Variants in UBA6 observed in about 807,000 individuals in gnomAD.
UBA6 encodes the protein ubiquitin like modifier activating enzyme 6.
UBA6 carries 87 observed loss-of-function variants against 148.3 expected under a neutral mutation model. The ratio of observed to expected loss-of-function variants is 0.59; its 90% CI spans 0.49 to 0.70. The LOEUF (loss-of-function observed/expected upper bound fraction) is 0.70. Ranked by LOEUF, UBA6 falls within the 30% of genes least tolerant of loss-of-function variation. UBA6 has a pLI of 0.00. For synonymous variants in UBA6, 376 were observed against 401.0 expected (o/e 0.94, Z 0.75); for missense variants, 1,186 against 1,241.2 (o/e 0.96, Z 0.67).
chr4:67,621,978 A>G (rs1728762522), intron 32 of UBA6, among the ~76,000 whole-genome samples: 1 of 152,168 alleles, frequency 6.6e-6, no homozygotes. Flanking sequence ...AGGAAGTGCA[A>G]AGACCAGGGG....
chr4:67,684,103 C>G (rs544026086), intron 2 of UBA6, among the ~76,000 whole-genome samples: 1 of 152,212 alleles, frequency 6.6e-6, no homozygotes, highest in East Asian at 1.9e-4. Context: ...ACCCCCTGCC[C>G]CCAGCCCAAA....
At chr4:67,642,230 T>G (rs1243345019) in intron 17 of UBA6, among the ~76,000 whole-genome samples, 1 of 152,118 alleles carries the variant, frequency 6.6e-6, no homozygotes, top group Non-Finnish European at 1.5e-5. Flanking sequence ...TGATTCCTAC[T>G]GCCCCCAACT....
intron 13 of UBA6, among the ~76,000 whole-genome samples, chr4:67,653,781 A>C (rs777657012): frequency 3.7e-4 from 57 of 152,332 alleles, no homozygotes; most frequent in Admixed American, 1.4e-3. Context: ...GGAAGCTAAA[A>C]ACCTTGAAAA....
chr4:67,633,520 CAT>C, intron 22 of UBA6, 47 bp from the exon 23 acceptor site: 1 of 1,514,904 alleles, frequency 6.6e-7, no homozygotes, highest in Non-Finnish European at 8.8e-7. Context: ...CAATTACAAA[CAT>C]ATACACATCC....
intron 10 of UBA6, among the ~76,000 whole-genome samples, chr4:67,664,404 C>CAGG (rs1168686435): frequency 6.6e-6 from 1 of 151,752 alleles, no homozygotes; most frequent in Non-Finnish European, 1.5e-5. Context: ...AGGAGATATG[C>CAGG]AGGAGCACAT....
chr4:67,682,069 A>G (rs1183924666), intron 3 of UBA6, 50 bp downstream of exon 3: 2 of 1,365,560 alleles, frequency 1.5e-6, no homozygotes, highest in East Asian at 2.3e-5. Flanking sequence ...TATTTAAACT[A>G]TCTTCATTGC....
At chr4:67,633,855 C>G (rs140199179) in intron 22 of UBA6, among the ~76,000 whole-genome samples, 96 of 152,214 alleles carry the variant, frequency 6.3e-4, no homozygotes, top group African/African-American at 2.1e-3. Context: ...AAGTTGCCTT[C>G]ACTATAAGAG....
chr4:67,688,956 T>C (rs1042692754), intron 2 of UBA6, among the ~76,000 whole-genome samples: 6 of 152,142 alleles, frequency 3.9e-5, no homozygotes, highest in Non-Finnish European at 5.9e-5. Context: ...GGATATTTAC[T>C]AGATTTCAAT....
At chr4:67,636,451 G>A (rs1376857971) in intron 19 of UBA6, among the ~76,000 whole-genome samples, 1 of 152,176 alleles carries the variant, frequency 6.6e-6, no homozygotes, top group Non-Finnish European at 1.5e-5. Context: ...AGCCGAAGCT[G>A]GACTGTACTG....
At chr4:67,673,535 A>G (rs1231535744) in intron 7 of UBA6, among the ~76,000 whole-genome samples, 162 bp downstream of exon 7, 1 of 152,132 alleles carries the variant, frequency 6.6e-6, no homozygotes, top group African/African-American at 2.4e-5. Context: ...CTTAGATCCT[A>G]GTTTTAAAAA....
chr4:67,630,488 T>C lies in UBA6; in HGVS notation c.2306A>G (p.Tyr769Cys). 1 of 1,588,616 alleles carries C rather than the reference T, an allele frequency of 6.3e-7. No homozygotes were observed. The highest frequency in any genetic ancestry group is 1.2e-5 in the South Asian group (1 of 86,824). ...TACCTCTTCTGCAAATGGAATACAA[T>C]ATACTGTAGCATATAGTTTTGCAGC... ...QNAAKLYATVYCIPFAEEDLS... is the reference protein window; with the variant it reads ...QNAAKLYATVCCIPFAEEDLS... Residue 769 changes from tyrosine (Y) to cysteine (C), a missense_variant, in exon 26 of 33, where the codon TAT becomes TGT. Physicochemically the swap from Tyr to Cys is radical, Grantham distance 194. Transcript: ENST00000322244.
chr4:67,690,706 AATC>A (rs1379475174), intron 2 of UBA6, among the ~76,000 whole-genome samples: 6 of 152,142 alleles, frequency 3.9e-5, no homozygotes, highest in Admixed American at 6.6e-5. Flanking sequence ...AACATTCACT[AATC>A]ATCAAATACA....
chr4:67,688,084 A>C (rs1730613553), intron 2 of UBA6, among the ~76,000 whole-genome samples: 1 of 152,208 alleles, frequency 6.6e-6, no homozygotes, highest in Non-Finnish European at 1.5e-5. Flanking sequence ...AAAGGTTTAG[A>C]TGCTTAAAGT....
Position 67,626,497 on chromosome 4 carries a change from T to C in UBA6, c.2401-20A>G. 7.0e-7 allele frequency: 1 copy of C among 1,430,998 alleles called. No homozygotes were observed. Among genetic ancestry groups the C allele is most frequent in the Non-Finnish European group, 9.7e-7 (1 of 1,032,396 alleles). 88.6% of individuals were successfully genotyped at this position (1,430,998 alleles called of 1,614,324 possible). A position where few individuals can be genotyped will look rare whatever the true frequency, so the allele number is the denominator to read the frequency against. On this transcript the variant is annotated intron_variant, in intron 27 of 32. Transcript: ENST00000322244. The stretch of plus-strand genomic sequence containing the variant: ...AACAACCTTTGAATATATGAATATA[T>C]TTTTATTAATGTTATCATTTCCTGC...
intron 2 of UBA6, among the ~76,000 whole-genome samples, chr4:67,691,464 G>A (rs1205475593): frequency 2.0e-5 from 3 of 152,160 alleles, no homozygotes; most frequent in Non-Finnish European, 4.4e-5. Flanking sequence ...GAGCTTAAGT[G>A]ATGTATCTGG....
chr4:67,681,622 A>G (rs767620777), intron 3 of UBA6, 31 bp from the exon 4 acceptor site: 1 of 1,510,688 alleles, frequency 6.6e-7, no homozygotes, highest in South Asian at 1.2e-5. Context: ...GGAATAGCTC[A>G]ATATTGGGAA....
At chr4:67,631,184 A>G (rs1261316552) in intron 25 of UBA6, among the ~76,000 whole-genome samples, 23 of 152,182 alleles carry the variant, frequency 1.5e-4, no homozygotes, top group Admixed American at 7.2e-4. Context: ...CACATATGTG[A>G]GACCTTGTCT....
At chr4:67,633,796 A>G (rs1041667551) in intron 22 of UBA6, among the ~76,000 whole-genome samples, 16 of 152,296 alleles carry the variant, frequency 1.1e-4, no homozygotes, top group Non-Finnish European at 1.9e-4. Flanking sequence ...GATACTAAAA[A>G]GTGGGCCTTG....
intron 1 of UBA6, among the ~76,000 whole-genome samples, chr4:67,697,757 A>T (rs548891044): frequency 8.5e-5 from 13 of 152,306 alleles, no homozygotes; most frequent in African/African-American, 2.6e-4. Flanking sequence ...CTCAAGCCAA[A>T]CCATCATCAC....
Sources: allele counts gnomAD v4.1 joint callset (sites outside exome capture counted in the v4.1 genomes callset), GRCh38; gene constraint gnomAD v4.1.1; transcripts MANE v1.5; gene names NCBI Gene and HGNC (gene_info 2026-07-23, HGNC 2026-07-21).